The following SMC1B variants were observed in gnomAD, a reference collection of about 807,000 sequenced individuals.
SMC1B encodes structural maintenance of chromosomes protein 1B.
Under a neutral mutation model 157.9 loss-of-function variants are expected in SMC1B, and 60 were observed. The observed-to-expected ratio is 0.38, with a 90% CI of 0.31 to 0.47. The LOEUF (loss-of-function observed/expected upper bound fraction) is 0.47, where lower values mean the gene tolerates loss of function less well. Ranked by LOEUF, SMC1B falls within the 20% of genes least tolerant of loss-of-function variation. The pLI is 0.99. For synonymous variants in SMC1B, 445 were observed against 483.0 expected (o/e 0.92, Z 1.03); for missense variants, 1,165 against 1,426.2 (o/e 0.82, Z 2.95).
At chr22:45,362,812 C>T (rs2146779730) in intron 16 of SMC1B, 73 bp downstream of exon 16, 1 of 1,277,458 alleles carries the variant, frequency 7.8e-7, no homozygotes, top group Non-Finnish European at 1.1e-6. Flanking sequence ...TTCAGGAGCG[C>T]ACAAAAGGTT....
At chr22:45,365,261 A>G (rs531425923) in intron 15 of SMC1B, among the ~76,000 whole-genome samples, 2 of 152,274 alleles carry the variant, frequency 1.3e-5, no homozygotes, top group Non-Finnish European at 2.9e-5. Context: ...CTCGCCTTTG[A>G]ACTCCTAACT....
chr22:45,379,723 CTTT>C (rs136583), intron 12 of SMC1B, among the ~76,000 whole-genome samples: 3 of 91,482 alleles, frequency 3.3e-5, no homozygotes, highest in Non-Finnish European at 6.0e-5. Flanking sequence ...TTTCTTTTTA[CTTT>C]TTTTTTTTTT....
In SMC1B at chr22:45,408,981, C is replaced by T. The variant is rs947104856; in HGVS notation, c.110-83G>A. 8.0e-5 allele frequency: 63 copies of T among 787,080 alleles called. 1 individual carries two copies. Among genetic ancestry groups the T allele is most frequent in the Non-Finnish European group, 1.1e-4 (55 of 505,778 alleles). 48.8% of individuals were successfully genotyped at this position (787,080 alleles called of 1,614,324 possible). A position where few individuals can be genotyped will look rare whatever the true frequency, so the allele number is the denominator to read the frequency against. On this transcript the variant is annotated intron_variant, in intron 1 of 24. Coordinates refer to ENST00000357450, the MANE Select transcript of SMC1B (RefSeq NM_148674.5). ...GAGCTGAAGAAATCAGGCCACCAAT[C>T]GAAGTGAAATATAGCCAAAAGACAT... is the stretch of plus-strand genomic sequence containing the variant.
chr22:45,374,497 T>C (rs766707881), intron 12 of SMC1B, among the ~76,000 whole-genome samples: 4 of 152,228 alleles, frequency 2.6e-5, no homozygotes, highest in East Asian at 1.9e-4. Flanking sequence ...TTTCAAAAAC[T>C]AGTACACCTG....
intron 15 of SMC1B, among the ~76,000 whole-genome samples, chr22:45,364,472 C>T (rs2086753176): frequency 6.6e-6 from 1 of 152,182 alleles, no homozygotes; most frequent in Non-Finnish European, 1.5e-5. Flanking sequence ...TAAAACTCTA[C>T]TAGGTCAGTA....
At chr22:45,382,200 A>C (rs890371627) in intron 12 of SMC1B, among the ~76,000 whole-genome samples, 4 of 152,220 alleles carry the variant, frequency 2.6e-5, no homozygotes, top group African/African-American at 9.7e-5. Context: ...AAAATCCAGA[A>C]GTTATAAAAG....
intron 4 of SMC1B, among the ~76,000 whole-genome samples, chr22:45,405,199 T>C (rs970226510): frequency 2.6e-5 from 4 of 151,812 alleles, no homozygotes; most frequent in Non-Finnish European, 4.4e-5. Context: ...AAGGTCAAGG[T>C]GGTAGCAAAG....
At chr22:45,399,721 T>C (rs1156962820) in intron 5 of SMC1B, among the ~76,000 whole-genome samples, 1 of 152,168 alleles carries the variant, frequency 6.6e-6, no homozygotes, top group Non-Finnish European at 1.5e-5. Context: ...TTATTATAAA[T>C]GTAGAAACAG....
chr22:45,371,420 T>C (rs760482643), intron 14 of SMC1B, 51 bp downstream of exon 14: 13 of 1,484,184 alleles, frequency 8.8e-6, no homozygotes, highest in African/African-American at 1.5e-5. Context: ...AAATCTAGTA[T>C]CTGGTCTAGA....
At chr22:45,397,400 G>A (rs1040165714) in intron 6 of SMC1B, among the ~76,000 whole-genome samples, 6 of 152,022 alleles carry the variant, frequency 3.9e-5, no homozygotes, top group East Asian at 1.9e-4. Context: ...GCCTGTAGAC[G>A]GGAGGATCAA....
intron 12 of SMC1B, among the ~76,000 whole-genome samples, chr22:45,374,181 A>T (rs918716323): frequency 4.0e-5 from 6 of 150,570 alleles, no homozygotes; most frequent in African/African-American, 1.5e-4. Context: ...TTAGTCCTAG[A>T]ATAAAATGAC....
chr22:45,392,473 T>G (rs959670906), intron 9 of SMC1B, among the ~76,000 whole-genome samples: 4 of 114,966 alleles, frequency 3.5e-5, no homozygotes, highest in Non-Finnish European at 5.0e-5. Context: ...GATTTTTTTT[T>G]TAACTAGTTG....
At chr22:45,349,847 A>C (rs1481926730) in intron 22 of SMC1B, 50 bp from the exon 23 acceptor site, 1 of 1,415,700 alleles carries the variant, frequency 7.1e-7, no homozygotes, top group East Asian at 2.3e-5. Context: ...TTTGTTTTAC[A>C]AAAGACTTGG....
At chr22:45,407,455 A>C (rs5765329) in intron 2 of SMC1B, among the ~76,000 whole-genome samples, 94,702 of 151,862 alleles carry the variant, frequency 0.62, 32,039 homozygotes, top group African/African-American at 0.9. Flanking sequence ...TCTCCTCTGC[A>C]CTATCTTTAT....
chr22:45,358,853 T>C, intron 18 of SMC1B, 58 bp from the exon 19 acceptor site: 1 of 1,231,954 alleles, frequency 8.1e-7, no homozygotes, highest in East Asian at 2.3e-5. Flanking sequence ...TATATGGGAG[T>C]GGTTCATGGC....
In SMC1B at chr22:45,344,661, A is replaced by T. The variant is rs201688801; in HGVS notation, c.3607-4T>A. 8 of 1,606,654 alleles carry T rather than the reference A, an allele frequency of 5.0e-6. No individual in the cohort carries two copies. Among genetic ancestry groups the T allele is most frequent in the Middle Eastern group, 3.3e-4 (2 of 6,050 alleles). ...GGCTGAACATGCAGTCATCGTACTA[A>T]AATGGAGAGAAGACAGTTAAAAGTT... On this transcript the variant is annotated splice_polypyrimidine_tract_variant and splice_region_variant and intron_variant, in intron 24 of 24. Coordinates refer to ENST00000357450, the MANE Select transcript of SMC1B (RefSeq NM_148674.5).
intron 16 of SMC1B, among the ~76,000 whole-genome samples, chr22:45,362,278 G>A (rs574922682): frequency 2.0e-5 from 3 of 152,086 alleles, no homozygotes; most frequent in Non-Finnish European, 4.4e-5. Context: ...CTGCTATCAT[G>A]ATCTCTGTCA....
rs777386638 is a variant in SMC1B, at chr22:45,354,110, T to C, written c.3141A>G (p.Glu1047=). 1 of 1,576,050 alleles carries C rather than the reference T, an allele frequency of 6.3e-7. No homozygotes were observed. The highest frequency in any genetic ancestry group is 1.2e-5 in the South Asian group (1 of 83,064). The stretch of plus-strand genomic sequence containing the variant: ...CGAACTCTTGCCTACACAGTCTGGC[T>C]TCCTTTCTGCTGGCCTCAAAAGCTA... ...STDAFEASRK[E]ARLCRQEFEQ... The change falls in exon 21 of 25, where the codon GAA becomes GAG. Residue 1047 remains glutamate, a synonymous_variant. Coordinates refer to ENST00000357450, the MANE Select transcript of SMC1B (RefSeq NM_148674.5).
rs369858707 is a variant in SMC1B at position 45,361,838 on chromosome 22, C to T, written c.2708+1G>A. 6.2e-7 allele frequency: 1 copy of T among 1,613,272 alleles called. No homozygotes were observed. Among genetic ancestry groups the T allele is most frequent in the Non-Finnish European group, 8.5e-7 (1 of 1,179,746 alleles). ...TTTCAAACTGATGAAGTCTTAATTA[C>T]CTATCAACAGCCAGAAACTTCTTCC... On this transcript the variant is annotated splice_donor_variant, in intron 17 of 24. Coordinates refer to ENST00000357450, the MANE Select transcript of SMC1B (RefSeq NM_148674.5). LOFTEE classifies it high-confidence loss of function.
Sources: allele counts gnomAD v4.1 joint callset (sites outside exome capture counted in the v4.1 genomes callset), GRCh38; gene constraint gnomAD v4.1.1; transcripts MANE v1.5; gene names NCBI Gene and HGNC (gene_info 2026-07-23, HGNC 2026-07-21).